KCNIP4: variants seen among roughly 807,000 people sequenced by gnomAD.
The protein encoded by KCNIP4 is Kv channel-interacting protein 4.
In KCNIP4, 12 loss-of-function variants were observed where a neutral mutation model predicts 34.0. The ratio of observed to expected loss-of-function variants is 0.35; its 90% CI spans 0.23 to 0.57. The LOEUF (loss-of-function observed/expected upper bound fraction) is 0.57, where lower values mean the gene tolerates loss of function less well. Ranked by LOEUF, KCNIP4 falls within the 20% of genes least tolerant of loss-of-function variation. KCNIP4 has a pLI of 0.83. For synonymous variants in KCNIP4, 124 were observed against 102.2 expected (o/e 1.21, Z -1.29); for missense variants, 238 against 311.7 (o/e 0.76, Z 1.78).
intron 1 of KCNIP4, among the ~76,000 whole-genome samples, chr4:20,949,183 AG>A (rs1291884659): frequency 6.6e-6 from 1 of 152,236 alleles, no homozygotes; most frequent in East Asian, 1.9e-4. Flanking sequence ...GCTGAGATTT[AG>A]GCCACTTTGA....
At chr4:21,536,621 A>T (rs939560010) in intron 1 of KCNIP4, among the ~76,000 whole-genome samples, 4 of 152,082 alleles carry the variant, frequency 2.6e-5, no homozygotes, top group Admixed American at 2.0e-4. Flanking sequence ...TTTACTAAAA[A>T]TACAAAAAAT....
intron 1 of KCNIP4, among the ~76,000 whole-genome samples, chr4:20,914,052 G>A (rs570992098): frequency 4.5e-4 from 69 of 152,208 alleles, no homozygotes; most frequent in African/African-American, 1.6e-3. Flanking sequence ...AGCTACTGGG[G>A]AGGCTGAGGC....
intron 1 of KCNIP4, among the ~76,000 whole-genome samples, chr4:21,815,443 CT>C (rs1468121135): frequency 2.0e-5 from 3 of 151,968 alleles, no homozygotes; most frequent in African/African-American, 7.3e-5. Flanking sequence ...CATCATCACT[CT>C]TAGTACGATT....
chr4:21,281,847 T>C (rs879258334), intron 1 of KCNIP4, among the ~76,000 whole-genome samples: 1 of 152,202 alleles, frequency 6.6e-6, no homozygotes, highest in Non-Finnish European at 1.5e-5. Flanking sequence ...GATGTGGAAA[T>C]AGCCATGAGC....
intron 1 of KCNIP4, among the ~76,000 whole-genome samples, chr4:21,591,500 A>C (rs1413013155): frequency 6.6e-6 from 1 of 152,016 alleles, no homozygotes. Flanking sequence ...ACTTTTGTCT[A>C]TTGCAGTGCA....
intron 1 of KCNIP4, among the ~76,000 whole-genome samples, chr4:21,764,226 T>C (rs1206290459): frequency 6.6e-6 from 1 of 152,118 alleles, no homozygotes; most frequent in Non-Finnish European, 1.5e-5. Flanking sequence ...GGGTACAGAC[T>C]GGCAATTCTC....
intron 1 of KCNIP4, among the ~76,000 whole-genome samples, chr4:21,877,940 T>C (rs1055575394): frequency 9.2e-5 from 14 of 152,212 alleles, no homozygotes; most frequent in African/African-American, 2.7e-4. Flanking sequence ...AATTCAGATA[T>C]GCTGAGTGAG....
chr4:21,448,956 T>C (rs972916225), intron 1 of KCNIP4, among the ~76,000 whole-genome samples: 22 of 152,148 alleles, frequency 1.4e-4, no homozygotes, highest in African/African-American at 3.4e-4. Flanking sequence ...ATAAAGAAGG[T>C]TATTGGACTT....
intron 1 of KCNIP4, among the ~76,000 whole-genome samples, chr4:21,780,634 C>T (rs1251816842): frequency 6.6e-6 from 1 of 152,158 alleles, no homozygotes; most frequent in Admixed American, 6.5e-5. Context: ...TCTCAGTTTA[C>T]AGCAGTGGCA....
chr4:21,938,527 T>TGATTCTGTATTATACAC (rs1408403650), intron 1 of KCNIP4, among the ~76,000 whole-genome samples: 2 of 152,174 alleles, frequency 1.3e-5, no homozygotes, highest in Non-Finnish European at 2.9e-5. Flanking sequence ...GTATTATACA[T>TGATTCTGTATTATACAC]GATTCTGTAT....
intron 3 of KCNIP4, among the ~76,000 whole-genome samples, chr4:20,829,473 T>C (rs995166406): frequency 5.5e-4 from 84 of 152,224 alleles, no homozygotes; most frequent in African/African-American, 1.9e-3. Context: ...TCCCAAAGTG[T>C]TGGGATTACA....
chr4:21,138,118 C>T (rs939783751), intron 1 of KCNIP4, among the ~76,000 whole-genome samples: 5 of 152,000 alleles, frequency 3.3e-5, no homozygotes, highest in Admixed American at 6.6e-5. Flanking sequence ...GTGATCTGCC[C>T]GACTCGGCCT....
intron 1 of KCNIP4, among the ~76,000 whole-genome samples, chr4:20,992,958 G>A (rs1289550041): frequency 6.8e-6 from 1 of 147,818 alleles, no homozygotes; most frequent in East Asian, 2.0e-4. Context: ...AACCTGGGGA[G>A]TGGAGGTTGC....
intron 1 of KCNIP4, among the ~76,000 whole-genome samples, chr4:21,925,674 G>C (rs1458755758): frequency 6.6e-6 from 1 of 152,012 alleles, no homozygotes; most frequent in Non-Finnish European, 1.5e-5. Flanking sequence ...CTTCATGAAG[G>C]TCTCTAGGAA....
At chr4:21,548,832 T>G (rs1436519904) in intron 1 of KCNIP4, among the ~76,000 whole-genome samples, 1 of 151,988 alleles carries the variant, frequency 6.6e-6, no homozygotes, top group Non-Finnish European at 1.5e-5. Context: ...AAATTATAAT[T>G]TAAGCATTCT....
At chr4:21,343,344 GA>G (rs776427816) in intron 1 of KCNIP4, among the ~76,000 whole-genome samples, 3 of 151,750 alleles carry the variant, frequency 2.0e-5, no homozygotes, top group Non-Finnish European at 2.9e-5. Flanking sequence ...AGGAAAGAGA[GA>G]AAAAAAATAA....
At chr4:21,946,189 T>C (rs1444112905) in intron 1 of KCNIP4, among the ~76,000 whole-genome samples, 1 of 152,016 alleles carries the variant, frequency 6.6e-6, no homozygotes, top group Non-Finnish European at 1.5e-5. Flanking sequence ...CACAGTGTTC[T>C]ATCTCTAAGT....
chr4:21,067,620 C>T (rs1744519609), intron 1 of KCNIP4, among the ~76,000 whole-genome samples: 2 of 152,108 alleles, frequency 1.3e-5, no homozygotes, highest in South Asian at 2.1e-4. Context: ...GAGTGTAGAG[C>T]CCTTGGTCCA....
intron 1 of KCNIP4, among the ~76,000 whole-genome samples, chr4:20,942,200 C>T (rs1302819135): frequency 6.6e-6 from 1 of 152,180 alleles, no homozygotes; most frequent in Non-Finnish European, 1.5e-5. Context: ...GCCACTGCTG[C>T]AATGAGTGAG....
Sources: gnomAD v4.1 joint callset for allele counts (sites outside exome capture counted in the v4.1 genomes callset) on GRCh38, gnomAD v4.1.1 for gene constraint, MANE v1.5 for transcripts, NCBI Gene and HGNC (gene_info 2026-07-23, HGNC 2026-07-21) for gene names.